THRAP3: variants seen among roughly 807,000 people sequenced by gnomAD.
THRAP3 encodes the protein thyroid hormone receptor associated protein 3.
THRAP3 carries 16 observed loss-of-function variants against 101.0 expected under a neutral mutation model. The ratio of observed to expected loss-of-function variants is 0.16; its 90% CI spans 0.11 to 0.24. THRAP3 has a LOEUF of 0.24. Ranked by LOEUF, THRAP3 falls within the 10% of genes least tolerant of loss-of-function variation. The pLI is 1.00. For missense variants in THRAP3, 989 were observed against 1,202.7 expected, an observed-to-expected ratio of 0.82 and a Z score of 2.63; for synonymous variants, 407 against 422.6, an observed-to-expected ratio of 0.96 and a Z score of 0.45.
upstream of THRAP3, among the ~76,000 whole-genome samples, chr1:36,220,969 A>AT (rs1244396648): frequency 9.7e-4 from 132 of 135,476 alleles, no homozygotes; most frequent in African/African-American, 1.9e-3. Context: ...AAAAAAAAAA[A>AT]AAAATATATA....
chr1:36,247,541 G>C (rs1321933496), intron 1 of THRAP3, among the ~76,000 whole-genome samples: 1 of 151,894 alleles, frequency 6.6e-6, no homozygotes, highest in African/African-American at 2.4e-5. Flanking sequence ...GGCCAAGCTG[G>C]TTTTGAACTC....
At chr1:36,276,455 C>G (rs1178324556) in intron 2 of THRAP3, among the ~76,000 whole-genome samples, 11 of 145,724 alleles carry the variant, frequency 7.5e-5, no homozygotes, top group African/African-American at 2.8e-4. Context: ...ACCCGGGAGG[C>G]GGAGGTTGCA....
rs759687988 is a variant in THRAP3, at chr1:36,304,057, C to T, written c.*40C>T. 4.1e-6 allele frequency: 6 copies of T among 1,461,790 alleles called. No individual in the cohort carries two copies. Among genetic ancestry groups the T allele is most frequent in the East Asian group, 2.5e-5 (1 of 40,272 alleles). 90.6% of individuals were successfully genotyped at this position (1,461,790 alleles called of 1,614,324 possible). On this transcript the variant is annotated 3_prime_UTR_variant, in exon 12 of 12. Coordinates refer to ENST00000354618, the MANE Select transcript of THRAP3 (RefSeq NM_005119.4). ...GGGATTCCTGCCCAGGGGAGAGAGG[C>T]GCTGGGAAGATGGCTGGTGAGGAGC...
At chr1:36,301,764 CTTAA>C in intron 11 of THRAP3, 68 bp downstream of exon 11, 4 of 1,537,642 alleles carry the variant, frequency 2.6e-6, no homozygotes, top group Non-Finnish European at 3.5e-6. Flanking sequence ...GATACCAAGC[CTTAA>C]TTAGTTTGTC....
Position 36,286,839 on chromosome 1 carries a change from G to C in THRAP3, c.609G>C (p.Glu203Asp), listed in dbSNP as rs142896902. Residue 203 changes from glutamate to aspartate, a missense_variant, in exon 4 of 12, where the codon GAG (glutamate) becomes GAC (aspartate). Coordinates refer to ENST00000354618, the MANE Select transcript of THRAP3 (RefSeq NM_005119.4). The surrounding 1 kb of genome is among the most constrained non-coding windows in gnomAD (Gnocchi z 5.5). ...ATAACCAGGGAGATGAGGCCAAGGA[G>C]CAGACATTCTCTGGAGGCACCTCTC... ...AGDNQGDEAK[E>D]QTFSGGTSQD... The C allele has an allele frequency of 2.5e-6, 4 of 1,614,096 alleles. No homozygotes were observed. Among genetic ancestry groups the C allele is most frequent in the Non-Finnish European group, 3.4e-6 (4 of 1,180,038 alleles).
rs767927502 is a variant in THRAP3 at position 36,289,605 on chromosome 1, T to C, written c.1586T>C (p.Val529Ala). 3.7e-6 allele frequency: 6 copies of C among 1,613,918 alleles called. No homozygotes were observed. The highest frequency in any genetic ancestry group is 5.1e-6 in the Non-Finnish European group (6 of 1,180,018). ...TTCCGAGTGACTGCTTATAAAGCAGTCCAGGAGAAAAGCTCATCACCTCCC... is the reference window on the plus strand; with the variant it reads ...TTCCGAGTGACTGCTTATAAAGCAGCCCAGGAGAAAAGCTCATCACCTCCC... ...KNFRVTAYKAVQEKSSSPPPR... is the reference protein window; with the variant it reads ...KNFRVTAYKAAQEKSSSPPPR... The change falls in exon 5 of 12, where the codon GTC (valine) becomes GCC (alanine). Residue 529 changes from valine (V) to alanine (A), a missense_variant. By Grantham distance (64) the Val-to-Ala change is moderately conservative (BLOSUM62 0). Coordinates refer to ENST00000354618, the MANE Select transcript of THRAP3 (RefSeq NM_005119.4).
intron 1 of THRAP3, among the ~76,000 whole-genome samples, chr1:36,229,711 G>T (rs1401885611): frequency 1.3e-5 from 2 of 152,040 alleles, no homozygotes; most frequent in Non-Finnish European, 2.9e-5. Flanking sequence ...GGAGTGCAGT[G>T]GCGCAATCTC....
intron 2 of THRAP3, among the ~76,000 whole-genome samples, chr1:36,263,383 A>T (rs1393093772): frequency 6.6e-6 from 1 of 152,188 alleles, no homozygotes; most frequent in Non-Finnish European, 1.5e-5. Context: ...TTCAGGGGTG[A>T]GCTACTGCAC....
chr1:36,290,003 C>G (rs1645845511), intron 5 of THRAP3, among the ~76,000 whole-genome samples: 1 of 152,256 alleles, frequency 6.6e-6, no homozygotes, highest in East Asian at 1.9e-4. Context: ...GACTGGCTCA[C>G]TCTCTGTTCA....
chr1:36,298,612 GC>G (rs1334689574), intron 9 of THRAP3, among the ~76,000 whole-genome samples: 1 of 151,930 alleles, frequency 6.6e-6, no homozygotes, highest in East Asian at 1.9e-4. Flanking sequence ...TCCTGCTTCA[GC>G]CTTCCAACTA....
Position 36,265,928 on chromosome 1 carries a change from C to T in THRAP3, c.-32+6444C>T, listed in dbSNP as rs576264727. 5.3e-5 allele frequency among the ~76,000 whole-genome samples: 8 copies of T among 151,712 alleles called. No individual in the cohort carries two copies. In the East Asian group the frequency reaches 1.2e-3, roughly 22 times the overall value. On this transcript the variant is annotated intron_variant, in intron 2 of 11. Transcript: ENST00000354618. ...CAACACTTTGGGAGGCTGAGGCGGG[C>T]GGATCATTTGAGGTCAGGAGTTTGA... is the stretch of plus-strand genomic sequence containing the variant.
rs1376575333 is a variant in THRAP3 at position 36,225,752 on chromosome 1, C to T, written c.-135+1247C>T. Among the ~76,000 whole-genome samples, 2 of 152,180 alleles carry T rather than the reference C, an allele frequency of 1.3e-5. 1 individual carries two copies. Among genetic ancestry groups the T allele is most frequent in the Non-Finnish European group, 2.9e-5 (2 of 68,038 alleles). The stretch of plus-strand genomic sequence containing the variant: ...TTAAATAGCCAAAACCGGCTCCTGC[C>T]ATGAACAACTTGTGGAGCAAATCGG... On this transcript the variant is annotated intron_variant, in intron 1 of 11. Coordinates refer to ENST00000354618, the MANE Select transcript of THRAP3 (RefSeq NM_005119.4).
At chr1:36,236,803 T>G (rs796901760) in intron 1 of THRAP3, among the ~76,000 whole-genome samples, 13 of 152,362 alleles carry the variant, frequency 8.5e-5, no homozygotes, top group African/African-American at 3.1e-4. Context: ...ACCTCTATGC[T>G]GAAAGTAAAC....
In THRAP3 at chr1:36,304,679, A is replaced by G. The variant is rs1225870353; in HGVS notation, c.*662A>G. 7 of 217,584 alleles carry G rather than the reference A, an allele frequency of 3.2e-5. No homozygotes were observed. The highest frequency in any genetic ancestry group is 5.6e-5 in the Non-Finnish European group (6 of 107,952). 13.5% of individuals were successfully genotyped at this position (217,584 alleles called of 1,614,324 possible). ...GTTCCCCTTTTCTGCGCAGCCATGT[A>G]TCACGTGGAGTTGCTCCTTACCACA... On this transcript the variant is annotated 3_prime_UTR_variant, in exon 12 of 12. Transcript: ENST00000354618.
chr1:36,294,130 T>TA (rs1385402889), intron 8 of THRAP3, 195 bp downstream of exon 8: 2 of 1,367,556 alleles, frequency 1.5e-6, no homozygotes, highest in Non-Finnish European at 1.9e-6. Context: ...GTGGTTAGAA[T>TA]ATGGTAAATG....
At chr1:36,222,825 T>C (rs569046947), upstream of THRAP3, among the ~76,000 whole-genome samples, 2 of 152,170 alleles carry the variant, frequency 1.3e-5, no homozygotes, top group East Asian at 3.9e-4. Flanking sequence ...ACCCAGAAAA[T>C]CTTTGAATTT....
Position 36,277,166 on chromosome 1 carries a change from A to C in THRAP3, c.-31-5367A>C, listed in dbSNP as rs1196524778. 4.6e-5 allele frequency among the ~76,000 whole-genome samples: 7 copies of C among 151,080 alleles called. No individual in the cohort carries two copies. In the East Asian group the frequency reaches 8.0e-4, roughly 17 times the overall value. ...GTATTTTTAGTAGAGATAGGGTTTCACCATGTTGACCAGGCTGATCTCGAA... is the reference window on the plus strand; with the variant it reads ...GTATTTTTAGTAGAGATAGGGTTTCCCCATGTTGACCAGGCTGATCTCGAA... On this transcript the variant is annotated intron_variant, in intron 2 of 11. Coordinates refer to ENST00000354618, the MANE Select transcript of THRAP3 (RefSeq NM_005119.4).
intron 2 of THRAP3, among the ~76,000 whole-genome samples, chr1:36,260,694 C>T (rs943346333): frequency 1.3e-5 from 2 of 151,898 alleles, no homozygotes; most frequent in Admixed American, 1.3e-4. Context: ...TGGTGGTGGG[C>T]GCCTGTAGTC....
chr1:36,213,380 C>G, the THRAP3 span, among the ~76,000 whole-genome samples: 1 of 152,094 alleles, frequency 6.6e-6, no homozygotes, highest in Admixed American at 6.6e-5. Flanking sequence ...TGTTCTAAGA[C>G]ATGTTCTGTT....
Sources: allele counts gnomAD v4.1 joint callset (sites outside exome capture counted in the v4.1 genomes callset), GRCh38; gene constraint gnomAD v4.1.1; non-coding constraint Gnocchi (gnomAD v3.1); transcripts MANE v1.5; gene names NCBI Gene and HGNC (gene_info 2026-07-23, HGNC 2026-07-21).